The following PCDHA3 variants were observed in gnomAD, a reference collection of about 807,000 sequenced individuals.
PCDHA3 encodes the protein protocadherin alpha 3.
PCDHA3 carries 41 observed loss-of-function variants against 62.2 expected under a neutral mutation model. The observed-to-expected ratio is 0.66, with a 90% confidence interval of 0.51 to 0.86. The LOEUF (loss-of-function observed/expected upper bound fraction) is 0.86, where lower values mean the gene tolerates loss of function less well. PCDHA3 is among the 40% of genes least tolerant of loss of function. The pLI, the probability that PCDHA3 is intolerant of heterozygous loss-of-function variation, is 0.00. For synonymous variants in PCDHA3, 640 were observed against 555.4 expected (o/e 1.15, Z -2.14); for missense variants, 1,304 against 1,241.2 (o/e 1.05, Z -0.76).
At chr5:140,852,732 A>G (rs2042454290) in intron 1 of PCDHA3, 4 of 983,854 alleles carry the variant, frequency 4.1e-6, no homozygotes, top group Non-Finnish European at 3.7e-6. Flanking sequence ...TTCAAGTTTC[A>G]TGTGCCATTT....
At chr5:140,841,349 G>T in intron 1 of PCDHA3, 1 of 1,612,780 alleles carries the variant, frequency 6.2e-7, no homozygotes, top group Non-Finnish European at 8.5e-7. Flanking sequence ...AGGAGAGCTG[G>T]GATCCTGGCG....
chr5:140,822,328 G>A, intron 1 of PCDHA3: 4 of 1,614,170 alleles, frequency 2.5e-6, no homozygotes, highest in Non-Finnish European at 3.4e-6. Context: ...TAAAACAAAT[G>A]AAGAAGAAAC....
chr5:140,862,289 G>T (rs782742229), intron 1 of PCDHA3: 4 of 264,626 alleles, frequency 1.5e-5, no homozygotes, highest in Non-Finnish European at 3.0e-5. Context: ...TGTACAGGAG[G>T]ACGCTCCACT....
At chr5:140,839,449 G>A (rs1251929255) in intron 1 of PCDHA3, among the ~76,000 whole-genome samples, 1 of 151,836 alleles carries the variant, frequency 6.6e-6, no homozygotes, top group African/African-American at 2.4e-5. Context: ...CAGTGCAGTG[G>A]CACAATCTGG....
At chr5:140,875,590 A>G (rs1554167782) in intron 1 of PCDHA3, 4 of 1,613,992 alleles carry the variant, frequency 2.5e-6, no homozygotes, top group Non-Finnish European at 3.4e-6. Flanking sequence ...CGAGGAGGCC[A>G]AACACGGCAC....
chr5:140,833,596 T>C (rs1772537859), intron 1 of PCDHA3, among the ~76,000 whole-genome samples: 2 of 152,316 alleles, frequency 1.3e-5, no homozygotes, highest in South Asian at 4.1e-4. Context: ...TATATATAGA[T>C]TCTGCTAAAG....
At chr5:140,875,039 A>G (rs1443862423) in intron 1 of PCDHA3, among the ~76,000 whole-genome samples, 1 of 152,230 alleles carries the variant, frequency 6.6e-6, no homozygotes, top group East Asian at 1.9e-4. Context: ...TATTTGAAAG[A>G]TTTCTACTTT....
rs202126810 is a variant in PCDHA3 at position 140,842,731 on chromosome 5, G to T, written c.2394+39140G>T. ...TGTTCGTGAAGGAGAACAACCCGCC[G>T]GGCTGCCACATCTTCACGGTGTCTG... On this transcript the variant is annotated intron_variant, in intron 1 of 3. Transcript: ENST00000522353. 3.1e-5 allele frequency: 49 copies of T among 1,594,938 alleles called. 4 individuals are homozygous for T. Among genetic ancestry groups the T allele is most frequent in the Non-Finnish European group, 4.1e-5 (48 of 1,165,464 alleles).
chr5:140,853,006 G>A (rs1263540311), intron 1 of PCDHA3: 2 of 293,534 alleles, frequency 6.8e-6, no homozygotes, highest in Non-Finnish European at 1.1e-5. Flanking sequence ...AGCCTCCCGA[G>A]TAGCTGGGAC....
At chr5:140,821,139 T>C (rs2150108825) in intron 1 of PCDHA3, among the ~76,000 whole-genome samples, 2 of 152,168 alleles carry the variant, frequency 1.3e-5, no homozygotes, top group Non-Finnish European at 2.9e-5. Context: ...AAATTTGTTT[T>C]ATGAGTAACA....
intron 1 of PCDHA3, chr5:140,842,630 G>A: frequency 6.3e-7 from 1 of 1,586,074 alleles, no homozygotes; most frequent in Non-Finnish European, 8.6e-7. Context: ...TTCGCTGTGG[G>A]CCACCGCCAG....
intron 1 of PCDHA3, chr5:140,850,131 G>A (rs2150469102): frequency 2.5e-6 from 4 of 1,595,702 alleles, no homozygotes; most frequent in Admixed American, 1.7e-5. Context: ...GCCGCCTCTG[G>A]GCAGCAACGT....
At chr5:140,857,652 G>A in intron 1 of PCDHA3, 4 of 1,596,610 alleles carry the variant, frequency 2.5e-6, no homozygotes, top group Admixed American at 1.7e-5. Context: ...TTCCAGGTGA[G>A]CGCGCGCGAT....
chr5:140,936,771 C>G (rs182480245), intron 1 of PCDHA3, among the ~76,000 whole-genome samples: 2 of 152,230 alleles, frequency 1.3e-5, no homozygotes, highest in South Asian at 4.1e-4. Flanking sequence ...TGTGTAAGTT[C>G]TCTCACTTTG....
At chr5:140,831,135 G>C (rs1269683904) in intron 1 of PCDHA3, 5 of 152,252 alleles carry the variant, frequency 3.3e-5, no homozygotes, top group Admixed American at 3.3e-4. Context: ...TATGGTTATT[G>C]ATTTATTTAC....
chr5:140,863,164 G>A, intron 1 of PCDHA3: 2 of 661,250 alleles, frequency 3.0e-6, no homozygotes, highest in Non-Finnish European at 5.5e-6. Flanking sequence ...CTGCGAGCTG[G>A]CGCTGACTGC....
intron 3 of PCDHA3, among the ~76,000 whole-genome samples, chr5:141,008,500 A>C (rs2098379990): frequency 6.6e-6 from 1 of 152,072 alleles, no homozygotes; most frequent in African/African-American, 2.4e-5. Context: ...GGTATACTTT[A>C]TGGTGTGTCT....
intron 1 of PCDHA3, among the ~76,000 whole-genome samples, chr5:140,844,990 A>G (rs1313324994): frequency 6.7e-6 from 1 of 149,154 alleles, no homozygotes; most frequent in Non-Finnish European, 1.5e-5. Flanking sequence ...TAAATCTTTT[A>G]ATCACTTATG....
At chr5:140,876,921 C>T (rs1554169105) in intron 1 of PCDHA3, 13 of 1,613,926 alleles carry the variant, frequency 8.1e-6, no homozygotes, top group East Asian at 4.5e-5. Context: ...GGGACGCGGA[C>T]GCGCAGAAGA....
Sources: gnomAD v4.1 joint callset for allele counts (sites outside exome capture counted in the v4.1 genomes callset) on GRCh38, gnomAD v4.1.1 for gene constraint, MANE v1.5 for transcripts, NCBI Gene and HGNC (gene_info 2026-07-23, HGNC 2026-07-21) for gene names.